The following LYRM9 variants were observed in gnomAD, a reference collection of about 807,000 sequenced individuals.
LYRM9 encodes the protein LYR motif-containing protein 9.
A neutral mutation model predicts 12.6 loss-of-function variants in LYRM9; 14 were observed. The observed-to-expected ratio is 1.11, with a 90% confidence interval of 0.73 to 1.73. LYRM9 has a LOEUF of 1.73. Among genes scored for constraint, LYRM9 ranks in the 40% most tolerant of loss-of-function variants. The probability of loss-of-function intolerance (pLI) is 0.00; values close to 1 mark genes in which losing one functional copy is unlikely to be tolerated. For missense variants in LYRM9, 94 were observed against 95.0 expected (o/e 0.99, Z 0.04); for synonymous variants, 42 against 35.1 (o/e 1.20, Z -0.69).
At chr17:27,887,448 G>T (rs1333749563) in intron 1 of LYRM9, among the ~76,000 whole-genome samples, 1 of 152,170 alleles carries the variant, frequency 6.6e-6, no homozygotes, top group Non-Finnish European at 1.5e-5. Flanking sequence ...CTGAAGTGTG[G>T]AAAGCACTGG....
At chr17:27,882,242 CTGA>C (rs911415894) in intron 2 of LYRM9, among the ~76,000 whole-genome samples, 7 of 152,170 alleles carry the variant, frequency 4.6e-5, no homozygotes, top group African/African-American at 1.7e-4. Context: ...TTGGTTTTAC[CTGA>C]TGTTTTCTCA....
chr17:27,883,376 T>C lies in LYRM9; in HGVS notation c.-18-664A>G, dbSNP rs571373357. On this transcript the variant is annotated intron_variant, in intron 1 of 3. Transcript: ENST00000379102. ...GATTTCATTTCACTATGAGTTATCA[T>C]AAAAATCACAATGGGCTGGGCGTAG... is the stretch of plus-strand genomic sequence containing the variant. 16 of 189,478 alleles carry C rather than the reference T, an allele frequency of 8.4e-5. No individual in the cohort carries two copies. In the South Asian group the frequency reaches 1.4e-3, roughly 16 times the overall value. 11.7% of individuals were successfully genotyped at this position (189,478 alleles called of 1,614,324 possible).
intron 1 of LYRM9, among the ~76,000 whole-genome samples, chr17:27,887,509 G>A (rs962755870): frequency 6.6e-6 from 1 of 152,122 alleles, no homozygotes. Flanking sequence ...GGCCCCTCTC[G>A]ATCTGGCCCC....
chr17:27,879,214 T>TA lies in LYRM9; in HGVS notation c.*258dup, dbSNP rs1045068843. 18 of 422,536 alleles carry TA rather than the reference T, an allele frequency of 4.3e-5. No individual in the cohort carries two copies. Among genetic ancestry groups the TA allele is most frequent in the African/African-American group, 2.1e-5 (1 of 48,230 alleles). 26.2% of individuals were successfully genotyped at this position (422,536 alleles called of 1,614,324 possible). ...AAGTAAAAGAACAAAAACACAAAAA[T>TA]AAAAAACACACAAAAGAAGCAAAAA... On this transcript the variant is annotated 3_prime_UTR_variant, in exon 4 of 4. Transcript: ENST00000379102.
At chr17:27,889,513 G>A (rs546999396) in intron 1 of LYRM9, among the ~76,000 whole-genome samples, 27 of 151,934 alleles carry the variant, frequency 1.8e-4, no homozygotes, top group African/African-American at 5.3e-4. Context: ...TCGCCATGTC[G>A]GCCAGTCTCA....
chr17:27,879,485 T>C lies in LYRM9; in HGVS notation c.225A>G (p.Lys75=), dbSNP rs1304675241. 1 of 1,552,124 alleles carries C rather than the reference T, an allele frequency of 6.4e-7. No individual in the cohort carries two copies. Among genetic ancestry groups the C allele is most frequent in the East Asian group, 2.4e-5 (1 of 40,996 alleles). Residue 75 remains lysine, a synonymous_variant, in exon 4 of 4, where the codon AAA becomes AAG. Coordinates refer to ENST00000379102, the MANE Select transcript of LYRM9 (RefSeq NM_001076680.3). ...ACCCTCGGAGCTCTCAGTTTTGTTT[T>C]TTATACTGCAAGACAGAGAGATTCG... is the stretch of plus-strand genomic sequence containing the variant. ...EDADWIMNKY[K]KQN is the part of the protein sequence containing the mutation.
chr17:27,879,682 G>C, intron 3 of LYRM9, 192 bp from the exon 4 acceptor site: 2 of 582,326 alleles, frequency 3.4e-6, no homozygotes, highest in South Asian at 2.2e-5. Flanking sequence ...TTCTTCTTTA[G>C]TGAAAAAGGA....
chr17:27,880,226 C>G, intron 3 of LYRM9, 48 bp downstream of exon 3: 7 of 1,430,142 alleles, frequency 4.9e-6, no homozygotes, highest in Non-Finnish European at 6.8e-6. Flanking sequence ...GGGATCACAG[C>G]CATCATCACC....
intron 1 of LYRM9, among the ~76,000 whole-genome samples, chr17:27,888,407 T>C (rs1905307774): frequency 6.6e-6 from 1 of 152,216 alleles, no homozygotes; most frequent in Non-Finnish European, 1.5e-5. Flanking sequence ...CCATTCTCCA[T>C]ATGGTGGTCA....
chr17:27,879,817 A>ACG, intron 3 of LYRM9: 1 of 548,092 alleles, frequency 1.8e-6, no homozygotes, highest in Non-Finnish European at 3.2e-6. Flanking sequence ...AAGGGCCAAG[A>ACG]CGCCAGTCTA....
chr17:27,890,721 A>G (rs1393207228), intron 1 of LYRM9, among the ~76,000 whole-genome samples: 1 of 152,258 alleles, frequency 6.6e-6, no homozygotes, highest in Non-Finnish European at 1.5e-5. Flanking sequence ...ACTGCAGAAA[A>G]TAACCAGAAA....
intron 1 of LYRM9, among the ~76,000 whole-genome samples, chr17:27,885,743 C>T (rs1016615504): frequency 1.3e-5 from 2 of 151,050 alleles, no homozygotes; most frequent in Non-Finnish European, 3.0e-5. Context: ...CATTTGGGCC[C>T]TAAAACCATC....
rs781375467 is a variant in LYRM9, at chr17:27,883,835, TAAAAAAAAAAAAAAAAAAAAAA to T, written c.-18-1145_-18-1124del. Reference sequence around the variant, plus strand: ...GCAGTCTGGCTCCAGAGCCTTTTTCTAAAAAAAAAAAAAAAAAAAAAAAAAAAAAAAAAAAGGCTGTATTGAG... The same window carrying T: ...GCAGTCTGGCTCCAGAGCCTTTTTCTAAAAAAAAAAAAAGGCTGTATTGAG... On this transcript the variant is annotated intron_variant, in intron 1 of 3. Transcript: ENST00000379102. Among the ~76,000 whole-genome samples the T allele has an allele frequency of 1.2e-4, 3 of 24,562 alleles. No individual in the cohort carries two copies. In the Admixed American group the frequency reaches 2.8e-3, roughly 23 times the overall value. The allele number at this position is 24,562 out of a possible 152,430, so 16.1% of individuals were successfully genotyped here.
intron 1 of LYRM9, among the ~76,000 whole-genome samples, chr17:27,887,723 T>G (rs1035581829): frequency 1.6e-4 from 19 of 122,160 alleles, no homozygotes; most frequent in Admixed American, 2.3e-4. Context: ...GGTGTGTGTG[T>G]GTGTGTGTGT....
In LYRM9 at chr17:27,879,393, C is replaced by A; in HGVS notation, c.*80G>T. ...TCAGCCAACAAGGCCAATGGCTCTT[C>A]CAAACCAGCTGCTGCTGCTGAGCTC... On this transcript the variant is annotated 3_prime_UTR_variant, in exon 4 of 4. Coordinates refer to ENST00000379102, the MANE Select transcript of LYRM9 (RefSeq NM_001076680.3). 1 of 1,481,558 alleles carries A rather than the reference C, an allele frequency of 6.7e-7. No individual in the cohort carries two copies. The highest frequency in any genetic ancestry group is 9.1e-7 in the Non-Finnish European group (1 of 1,100,644). The allele number at this position is 1,481,558 out of a possible 1,614,324, so 91.8% of individuals were successfully genotyped here.
chr17:27,892,577 C>T (rs892937522), intron 1 of LYRM9: 8 of 349,200 alleles, frequency 2.3e-5, no homozygotes, highest in South Asian at 1.4e-4. Flanking sequence ...TCCATTTATA[C>T]GAAACATCCA....
In LYRM9 at chr17:27,879,475, A is replaced by G. The variant is rs1904963051; in HGVS notation, c.235T>C (p.Ter79ArgextTer5). 2 of 1,551,662 alleles carry G rather than the reference A, an allele frequency of 1.3e-6. No homozygotes were observed. The highest frequency in any genetic ancestry group is 1.4e-5 in the African/African-American group (1 of 73,048). Residue 79 changes from the stop codon to arginine, a stop_lost, in exon 4 of 4, where the codon TGA becomes CGA. Coordinates refer to ENST00000379102, the MANE Select transcript of LYRM9 (RefSeq NM_001076680.3). ...AGGAAGGCTCACCCTCGGAGCTCTC[A>G]GTTTTGTTTTTTATACTGCAAGACA... Reference protein sequence around the residue: ...WIMNKYKKQN* With the variant: ...WIMNKYKKQNR
chr17:27,889,311 C>CT (rs537456506), intron 1 of LYRM9, among the ~76,000 whole-genome samples: 2,425 of 144,382 alleles, frequency 0.017, 68 homozygotes, highest in African/African-American at 0.054. Flanking sequence ...TTTCTTTTTT[C>CT]TTTTTTTTTT....
chr17:27,883,271 C>T (rs1201458150), intron 1 of LYRM9: 3 of 283,464 alleles, frequency 1.1e-5, no homozygotes, highest in South Asian at 6.2e-5. Flanking sequence ...TTTGCAGGCA[C>T]ATTTTAAAGT....
Sources: gnomAD v4.1 joint callset for allele counts (sites outside exome capture counted in the v4.1 genomes callset) on GRCh38, gnomAD v4.1.1 for gene constraint, MANE v1.5 for transcripts, NCBI Gene and HGNC (gene_info 2026-07-23, HGNC 2026-07-21) for gene names.